The following DTX2 variants were observed in gnomAD, a reference collection of about 807,000 sequenced individuals.
The protein encoded by DTX2 is deltex E3 ubiquitin ligase 2, also known as probable E3 ubiquitin-protein ligase DTX2.
In DTX2, 29 loss-of-function variants were observed where a neutral mutation model predicts 55.3. The ratio of observed to expected loss-of-function variants is 0.52; its 90% confidence interval spans 0.39 to 0.71. The LOEUF (loss-of-function observed/expected upper bound fraction) is 0.71, where lower values mean the gene tolerates loss of function less well. Among genes scored for constraint, DTX2 ranks in the 30% least tolerant of loss-of-function variants. The pLI is 0.00. For synonymous variants in DTX2, 276 were observed against 340.4 expected (o/e 0.81, Z 2.08); for missense variants, 537 against 822.5 (o/e 0.65, Z 4.25).
intron 7 of DTX2, chr7:76,501,776 C>G (rs374422589): frequency 6.2e-6 from 1 of 160,524 alleles, no homozygotes; most frequent in Non-Finnish European, 1.3e-5. Context: ...CCTGCCCTGT[C>G]CGTCCTCCCC....
rs1377314658 is a variant in DTX2 at position 76,463,523 on chromosome 7, ATCT to A, written c.-254-16_-254-14del. 2.6e-5 allele frequency: 4 copies of A among 151,070 alleles called. No individual in the cohort carries two copies. Among genetic ancestry groups the A allele is most frequent in the Non-Finnish European group, 4.4e-5 (3 of 67,700 alleles). 9.4% of individuals were successfully genotyped at this position (151,070 alleles called of 1,614,324 possible). On this transcript the variant is annotated intron_variant, in intron 1 of 10. Transcript: ENST00000430490. The stretch of plus-strand genomic sequence containing the variant: ...CTGTTTCTTAATTTAAAACCTGATC[ATCT>A]TCTTCCTCGTTGGCAAAGGTGCCTT...
chr7:76,502,128 C>G lies in DTX2; in HGVS notation c.1231-170C>G. 8 of 595,878 alleles carry G rather than the reference C, an allele frequency of 1.3e-5. No homozygotes were observed. In the South Asian group the frequency reaches 1.8e-4, roughly 14 times the overall value. The allele number at this position is 595,878 out of a possible 1,614,324, so 36.9% of individuals were successfully genotyped here. A position where few individuals can be genotyped will look rare whatever the true frequency, so the allele number is the denominator to read the frequency against. On this transcript the variant is annotated intron_variant, in intron 7 of 10. Coordinates refer to ENST00000430490, the MANE Select transcript of DTX2 (RefSeq NM_001102594.3). ...CCTCAAATTCCTGACCTCAAGTGAT[C>G]GGCCTCCTAGAGTGCTGGGATTACA...
intron 3 of DTX2, among the ~76,000 whole-genome samples, chr7:76,481,085 C>A (rs1809143294): frequency 6.6e-6 from 1 of 152,260 alleles, no homozygotes; most frequent in African/African-American, 2.4e-5. Context: ...CATAGGAGTT[C>A]AGAGGGCCCT....
At chr7:76,463,319 G>T (rs1263205261) in intron 1 of DTX2, 1 of 151,820 alleles carries the variant, frequency 6.6e-6, no homozygotes, top group African/African-American at 2.4e-5. Flanking sequence ...AGAGCTCAGG[G>T]TTTTTTTGTT....
chr7:76,471,523 G>T (rs1271935382), intron 2 of DTX2, among the ~76,000 whole-genome samples: 1 of 149,424 alleles, frequency 6.7e-6, no homozygotes, highest in Non-Finnish European at 1.5e-5. Flanking sequence ...GTTCCTGCTT[G>T]GCTGTTATTT....
chr7:76,500,875 G>A (rs1811588140), intron 7 of DTX2, among the ~76,000 whole-genome samples: 1 of 150,406 alleles, frequency 6.6e-6, no homozygotes, highest in African/African-American at 2.5e-5. Context: ...CCTCGTCCAG[G>A]TGGCTGTCCT....
At chr7:76,498,405 G>A (rs1811174524) in intron 6 of DTX2, among the ~76,000 whole-genome samples, 1 of 151,782 alleles carries the variant, frequency 6.6e-6, no homozygotes, top group African/African-American at 2.4e-5. Flanking sequence ...CCTGGGGGAG[G>A]AGCCAGACTC....
chr7:76,464,874 A>G (rs1807002221), intron 2 of DTX2, among the ~76,000 whole-genome samples: 1 of 151,110 alleles, frequency 6.6e-6, no homozygotes, highest in Non-Finnish European at 1.5e-5. Context: ...GTGAACATAG[A>G]GAACTGAAAA....
chr7:76,486,916 T>C (rs1809991057), intron 4 of DTX2, among the ~76,000 whole-genome samples: 9 of 133,336 alleles, frequency 6.7e-5, no homozygotes, highest in Non-Finnish European at 1.5e-4. Flanking sequence ...TCACTTCCTC[T>C]TCCTCCTGCT....
rs1309942853 is a variant in DTX2 at position 76,505,323 on chromosome 7, C to G, written c.1642-51C>G. 6.8e-7 allele frequency: 1 copy of G among 1,475,938 alleles called. No individual in the cohort carries two copies. The highest frequency in any genetic ancestry group is 1.4e-5 in the African/African-American group (1 of 71,624). The allele number at this position is 1,475,938 out of a possible 1,614,324, so 91.4% of individuals were successfully genotyped here. A position where few individuals can be genotyped will look rare whatever the true frequency, so the allele number is the denominator to read the frequency against. Reference sequence around the variant, plus strand: ...CAACCCGTGCCTGCTCACTGAGCCCCTCTCACTCTCCGTCCCCTCCTTCCT... The same window carrying G: ...CAACCCGTGCCTGCTCACTGAGCCCGTCTCACTCTCCGTCCCCTCCTTCCT... On this transcript the variant is annotated intron_variant, in intron 10 of 10. Coordinates refer to ENST00000430490, the MANE Select transcript of DTX2 (RefSeq NM_001102594.3). This position sits in a 1 kb window ranked among gnomAD's most constrained non-coding sequence, Gnocchi z 4.4.
At position 76,480,527 on chromosome 7, in the gene DTX2, C is replaced by T. The variant is rs377172273; in HGVS notation, c.18C>T (p.Ser6=). Reference sequence around the variant, plus strand: ...TTGGGAAGATGGCCATGGCCCCAAGCCCTTCCCTGGTGCAGGTGTACACCA... The same window carrying T: ...TTGGGAAGATGGCCATGGCCCCAAGTCCTTCCCTGGTGCAGGTGTACACCA... MAMAP[S]PSLVQVYTSP... is the part of the protein sequence containing the mutation. Residue 6 remains serine (S), a synonymous_variant, in exon 3 of 11, where the codon AGC becomes AGT. Coordinates refer to ENST00000430490, the MANE Select transcript of DTX2 (RefSeq NM_001102594.3). The T allele has an allele frequency of 1.2e-6, 2 of 1,606,048 alleles. No individual in the cohort carries two copies. The highest frequency in any genetic ancestry group is 1.3e-5 in the African/African-American group (1 of 74,764).
intron 2 of DTX2, among the ~76,000 whole-genome samples, chr7:76,466,330 ATTT>A (rs1175797575): frequency 1.3e-5 from 2 of 151,264 alleles, no homozygotes; most frequent in Non-Finnish European, 2.9e-5. Flanking sequence ...TTAGTAAGTT[ATTT>A]TTAATAAATG....
chr7:76,503,660 C>G (rs1451447258), intron 9 of DTX2, 73 bp downstream of exon 9: 2 of 1,354,732 alleles, frequency 1.5e-6, no homozygotes, highest in East Asian at 2.4e-5. Context: ...AGCAGTCTGC[C>G]CCTGGATCAA....
Position 76,503,583 on chromosome 7 carries a change from T to C in DTX2, c.1547T>C (p.Ile516Thr), listed in dbSNP as rs781397067. 3.7e-6 allele frequency: 6 copies of C among 1,609,808 alleles called. No homozygotes were observed. The Admixed American group carries it at 6.7e-5, about 18-fold the overall frequency. ...ILIVYSIPHG[I>T]QGPEHPNPGK... ...ATAGTTTACAGCATTCCCCATGGTA[T>C]CCAGGTGAGGGGCCTTCTTGAGTCC... is the stretch of plus-strand genomic sequence containing the variant. The change falls in exon 9 of 11, where the codon ATC becomes ACC. Residue 516 changes from isoleucine to threonine, a missense_variant. Around this residue, in one of 7 missense-constraint regions of DTX2, gnomAD observed 121 missense variants for 136.8 expected, o/e 0.88. Coordinates refer to ENST00000430490, the MANE Select transcript of DTX2 (RefSeq NM_001102594.3).
intron 1 of DTX2, 29 bp from the exon 2 acceptor site, chr7:76,463,516 C>T (rs1305106142): frequency 2.0e-5 from 3 of 151,404 alleles, no homozygotes; most frequent in Non-Finnish European, 4.4e-5. Flanking sequence ...TAATTTAAAA[C>T]CTGATCATCT....
In DTX2 at chr7:76,461,764, C is replaced by CCAGGCCGAGCCGGAGCTG; in HGVS notation, c.-323_-306dup. The CCAGGCCGAGCCGGAGCTG allele has an allele frequency of 7.2e-6, 1 of 138,958 alleles. No homozygotes were observed. The highest frequency in any genetic ancestry group is 2.6e-5 in the African/African-American group (1 of 38,066). 8.6% of individuals were successfully genotyped at this position (138,958 alleles called of 1,614,324 possible). A position where few individuals can be genotyped will look rare whatever the true frequency, so the allele number is the denominator to read the frequency against. On this transcript the variant is annotated 5_prime_UTR_variant, in exon 1 of 11. Coordinates refer to ENST00000430490, the MANE Select transcript of DTX2 (RefSeq NM_001102594.3). ...GTCGGAGCCACAGCCAGAGCCCTGC[C>CCAGGCCGAGCCGGAGCTG]CAGGCCGAGCCGGAGCTGCAGCCCG...
At position 76,505,006 on chromosome 7, in the gene DTX2, G is replaced by A. The variant is rs1436374363; in HGVS notation, c.1642-368G>A. 6.6e-6 allele frequency among the ~76,000 whole-genome samples: 1 copy of A among 150,418 alleles called. No individual in the cohort carries two copies. Among genetic ancestry groups the A allele is most frequent in the African/African-American group, 2.5e-5 (1 of 40,806 alleles). ...GCTTGAGGTGGCGGAGCTGGAGGCGGGGAGAGGGCAGGGAGAGGGCAGGGA... is the reference window on the plus strand; with the variant it reads ...GCTTGAGGTGGCGGAGCTGGAGGCGAGGAGAGGGCAGGGAGAGGGCAGGGA... On this transcript the variant is annotated intron_variant, in intron 10 of 10. Coordinates refer to ENST00000430490, the MANE Select transcript of DTX2 (RefSeq NM_001102594.3). The surrounding 1 kb of genome is among the most constrained non-coding windows in gnomAD (Gnocchi z 4.4).
At chr7:76,482,365 A>G (rs1809326214) in intron 3 of DTX2, 143 bp from the exon 4 acceptor site, 1 of 1,057,708 alleles carries the variant, frequency 9.5e-7, no homozygotes, top group Non-Finnish European at 1.4e-6. Flanking sequence ...GCCTCTAACA[A>G]TAAATAAATA....
rs370289441 is a variant in DTX2, at chr7:76,505,639, C to T, written c.*38C>T. On this transcript the variant is annotated 3_prime_UTR_variant, in exon 11 of 11. Coordinates refer to ENST00000430490, the MANE Select transcript of DTX2 (RefSeq NM_001102594.3). This position sits in a 1 kb window ranked among gnomAD's most constrained non-coding sequence, Gnocchi z 4.4. The stretch of plus-strand genomic sequence containing the variant: ...GCACGCCCGCCTCTGGTGGCCACCC[C>T]GCTGCCCCATGGCTGGCTGGGTGGC... The T allele has an allele frequency of 5.9e-4, 897 of 1,528,788 alleles. 9 individuals are homozygous for T. In the African/African-American group the frequency reaches 7.8e-3, roughly 13 times the overall value. The allele number at this position is 1,528,788 out of a possible 1,614,324, so 94.7% of individuals were successfully genotyped here. A position where few individuals can be genotyped will look rare whatever the true frequency, so the allele number is the denominator to read the frequency against.
Sources: allele counts gnomAD v4.1 joint callset (sites outside exome capture counted in the v4.1 genomes callset), GRCh38; gene constraint gnomAD v4.1.1; regional missense constraint gnomAD v4.1.1; non-coding constraint Gnocchi (gnomAD v3.1); transcripts MANE v1.5; gene names NCBI Gene and HGNC (gene_info 2026-07-23, HGNC 2026-07-21).